SLC12A3: variants seen among roughly 807,000 people sequenced by gnomAD.
The protein encoded by SLC12A3 is solute carrier family 12 member 3, also known as Na-Cl cotransporter.
SLC12A3 carries 104 observed loss-of-function variants against 121.0 expected under a neutral mutation model. The ratio of observed to expected loss-of-function variants is 0.86; its 90% CI spans 0.73 to 1.01. SLC12A3 has a LOEUF of 1.01. SLC12A3 is among the 50% of genes least tolerant of loss of function. The probability of loss-of-function intolerance (pLI) is 0.00; values close to 1 mark genes in which losing one functional copy is unlikely to be tolerated. For missense variants in SLC12A3, 1,328 were observed against 1,356.3 expected (o/e 0.98, Z 0.33); for synonymous variants, 536 against 533.4 (o/e 1.00, Z -0.07).
At chr16:56,896,339 T>C (rs8063291) in intron 22 of SLC12A3, among the ~76,000 whole-genome samples, 32,014 of 152,216 alleles carry the variant, frequency 0.21, 3,473 homozygotes, top group East Asian at 0.29. Context: ...GTAGGCTGGA[T>C]GCATGGGCTT....
chr16:56,882,835 G>A (rs182458989), intron 13 of SLC12A3, among the ~76,000 whole-genome samples: 282 of 152,038 alleles, frequency 1.9e-3, no homozygotes, highest in East Asian at 0.013. Flanking sequence ...CAAGCTATTC[G>A]GGAGGCTGAG....
intron 11 of SLC12A3, among the ~76,000 whole-genome samples, 167 bp from the exon 12 acceptor site, chr16:56,879,962 CG>C (rs2055216287): frequency 6.6e-6 from 1 of 151,880 alleles, no homozygotes; most frequent in South Asian, 2.1e-4. Flanking sequence ...TATGGTAGGG[CG>C]GGGAGGGTGG....
At position 56,902,457 on chromosome 16, in the gene SLC12A3, G is replaced by T. The variant is rs1465600541; in HGVS notation, c.2805G>T (p.Arg935=). ...AGGCCACTGTCAACGAGATGCGGCGGGACTGCCCCTGGAAGATCTCAGATG... is the reference window on the plus strand; with the variant it reads ...AGGCCACTGTCAACGAGATGCGGCGTGACTGCCCCTGGAAGATCTCAGATG... ...KDEATVNEMR[R]DCPWKISDEE... is the part of the protein sequence containing the mutation. The change falls in exon 24 of 26, where the codon CGG becomes CGT. Residue 935 remains arginine, a synonymous_variant. Coordinates refer to ENST00000563236, the MANE Select transcript of SLC12A3 (RefSeq NM_001126108.2). The T allele has an allele frequency of 6.2e-7, 1 of 1,613,040 alleles. No individual in the cohort carries two copies. The highest frequency in any genetic ancestry group is 8.5e-7 in the Non-Finnish European group (1 of 1,179,764).
chr16:56,875,431 A>C (rs2055153388), intron 8 of SLC12A3, among the ~76,000 whole-genome samples: 1 of 152,094 alleles, frequency 6.6e-6, no homozygotes, highest in African/African-American at 2.4e-5. Flanking sequence ...TCTTGTTATC[A>C]TTGTCATTTT....
At position 56,885,255 on chromosome 16, in the gene SLC12A3, G is replaced by A. The variant is rs767033140; in HGVS notation, c.1826-10G>A. On this transcript the variant is annotated splice_polypyrimidine_tract_variant and intron_variant, in intron 14 of 25. Transcript: ENST00000563236. Reference sequence around the variant, plus strand: ...CTGCTCTCACCCCCGTTGCTCCCTTGCTCTCCCAGAGGTAAATTGGGGCTC... The same window carrying A: ...CTGCTCTCACCCCCGTTGCTCCCTTACTCTCCCAGAGGTAAATTGGGGCTC... 6 of 1,528,014 alleles carry A rather than the reference G, an allele frequency of 3.9e-6. No individual in the cohort carries two copies. The highest frequency in any genetic ancestry group is 1.2e-5 in the South Asian group (1 of 83,602). The allele number at this position is 1,528,014 out of a possible 1,614,324, so 94.7% of individuals were successfully genotyped here.
At position 56,881,068 on chromosome 16, in the gene SLC12A3, A is replaced by C. The variant is rs548113004; in HGVS notation, c.1567+815A>C. ...AACTCGCGAGGAGAGAGGTGGCCAC[A>C]CCAAGCACGGGCAGTGGCCATGCTG... On this transcript the variant is annotated intron_variant, in intron 12 of 25. Transcript: ENST00000563236. Among the ~76,000 whole-genome samples, 13 of 152,346 alleles carry C rather than the reference A, an allele frequency of 8.5e-5. No individual in the cohort carries two copies. The South Asian group carries it at 2.7e-3, about 32-fold the overall frequency.
In SLC12A3 at chr16:56,896,605, T is replaced by C. The variant is rs149654746; in HGVS notation, c.2633+1963T>C. On this transcript the variant is annotated intron_variant, in intron 22 of 25. Coordinates refer to ENST00000563236, the MANE Select transcript of SLC12A3 (RefSeq NM_001126108.2). ...CTACCAAAAAACTTAAAAAAAAAAT[T>C]AACTGTGAATGGTGGCATGTGCCTG... is the stretch of plus-strand genomic sequence containing the variant. Among the ~76,000 whole-genome samples, 387 of 151,956 alleles carry C rather than the reference T, an allele frequency of 2.5e-3. 15 individuals carry two copies. The highest frequency in any genetic ancestry group is 0.022 in the Admixed American group (343 of 15,258).
chr16:56,872,869 C>A, intron 8 of SLC12A3, 83 bp downstream of exon 8: 1 of 1,563,498 alleles, frequency 6.4e-7, no homozygotes, highest in Non-Finnish European at 8.8e-7. Context: ...CTAGTGGCAT[C>A]TGCCGCTGAC....
At chr16:56,895,191 A>G (rs1377033621) in intron 22 of SLC12A3, among the ~76,000 whole-genome samples, 7 of 111,934 alleles carry the variant, frequency 6.3e-5, no homozygotes, top group Admixed American at 9.3e-5. Context: ...TATATATTTT[A>G]ATTTTTTTTT....
chr16:56,885,397 C>CAG, intron 15 of SLC12A3, 33 bp downstream of exon 15: 4 of 1,383,714 alleles, frequency 2.9e-6, no homozygotes, highest in Non-Finnish European at 4.0e-6. Context: ...ACCTGGGACC[C>CAG]CAGGGCCAGT....
intron 24 of SLC12A3, 23 bp downstream of exon 24, chr16:56,902,531 G>GCCCCC: frequency 9.8e-6 from 7 of 714,522 alleles, no homozygotes; most frequent in Non-Finnish European, 1.7e-5. Context: ...GTGGGGGTGG[G>GCCCCC]AAACGCGACA....
chr16:56,865,905 G>A (rs1964342260), intron 1 of SLC12A3, among the ~76,000 whole-genome samples: 2 of 152,180 alleles, frequency 1.3e-5, no homozygotes. Context: ...CTGGAAGGTG[G>A]ATTGTCATGA....
At chr16:56,880,109 G>C (rs1165504611) in intron 11 of SLC12A3, 21 bp from the exon 12 acceptor site, 1 of 1,600,306 alleles carries the variant, frequency 6.2e-7, no homozygotes, top group South Asian at 1.1e-5. Context: ...CTAAGGGTGA[G>C]TGCGGCATCT....
chr16:56,868,833 G>A (rs1251996570), intron 3 of SLC12A3, among the ~76,000 whole-genome samples: 1 of 152,026 alleles, frequency 6.6e-6, no homozygotes, highest in Non-Finnish European at 1.5e-5. Context: ...TTGGCCAGGC[G>A]TGGTTGGCAG....
rs2144737698 is a variant in SLC12A3 at position 56,890,264 on chromosome 16, C to A, written c.2286-10C>A. 1 of 1,613,314 alleles carries A rather than the reference C, an allele frequency of 6.2e-7. No individual in the cohort carries two copies. The highest frequency in any genetic ancestry group is 1.1e-5 in the South Asian group (1 of 91,068). On this transcript the variant is annotated splice_polypyrimidine_tract_variant and intron_variant, in intron 18 of 25. Coordinates refer to ENST00000563236, the MANE Select transcript of SLC12A3 (RefSeq NM_001126108.2). ...GGGGAGAAGCTGGACCTCACCTCCTCTCTTTCCAGTGATGCCTTTGATTTC... is the reference window on the plus strand; with the variant it reads ...GGGGAGAAGCTGGACCTCACCTCCTATCTTTCCAGTGATGCCTTTGATTTC...
At chr16:56,901,359 T>TTTTTTTTTTTTTTTA (rs1425567383) in intron 23 of SLC12A3, among the ~76,000 whole-genome samples, 3 of 150,814 alleles carry the variant, frequency 2.0e-5, no homozygotes, top group African/African-American at 2.5e-5. Flanking sequence ...TTTTTTTTTT[T>TTTTTTTTTTTTTTTA]GAGACAGTCT....
At chr16:56,878,037 T>TCCCCC in intron 8 of SLC12A3, 40 bp from the exon 9 acceptor site, 3 of 421,396 alleles carry the variant, frequency 7.1e-6, no homozygotes, top group South Asian at 4.8e-5. Flanking sequence ...CCTCCCTCTC[T>TCCCCC]CCCTCCCTCC....
chr16:56,893,088 G>A (rs761608854), intron 21 of SLC12A3, 34 bp downstream of exon 21: 70 of 1,548,540 alleles, frequency 4.5e-5, no homozygotes, highest in East Asian at 1.8e-4. Flanking sequence ...CCTCCTGCCC[G>A]GCGGGGGCGG....
Position 56,904,924 on chromosome 16 carries a change from G to C in SLC12A3, c.2924+462G>C, listed in dbSNP as rs188829028. The C allele has an allele frequency of 1.6e-4, 46 of 287,620 alleles. 1 individual carries two copies. Among genetic ancestry groups the C allele is most frequent in the South Asian group, 1.5e-3 (44 of 28,592 alleles). 17.8% of individuals were successfully genotyped at this position (287,620 alleles called of 1,614,324 possible). A position where few individuals can be genotyped will look rare whatever the true frequency, so the allele number is the denominator to read the frequency against. On this transcript the variant is annotated intron_variant, in intron 25 of 25. Coordinates refer to ENST00000563236, the MANE Select transcript of SLC12A3 (RefSeq NM_001126108.2). ...CCCTGGCTGTTCCTACTGGACCCAC[G>C]TCCAGTTCTGAGCCACCCCTGGGTG...
Sources: allele counts gnomAD v4.1 joint callset (sites outside exome capture counted in the v4.1 genomes callset), GRCh38; gene constraint gnomAD v4.1.1; transcripts MANE v1.5; gene names NCBI Gene and HGNC (gene_info 2026-07-23, HGNC 2026-07-21).